The following BCL11B variants were observed in gnomAD, a reference collection of about 807,000 sequenced individuals.
BCL11B encodes B-cell lymphoma/leukemia 11B.
A neutral mutation model predicts 49.9 loss-of-function variants in BCL11B; 8 were observed. That is an observed-to-expected ratio of 0.16 (90% confidence interval 0.09 to 0.29). BCL11B has a LOEUF of 0.29. Among genes scored for constraint, BCL11B ranks in the 10% least tolerant of loss-of-function variants. The probability of loss-of-function intolerance (pLI) is 1.00; values close to 1 mark genes in which losing one functional copy is unlikely to be tolerated. For missense variants in BCL11B, 1,006 were observed against 1,351.0 expected (o/e 0.74, Z 4.00); for synonymous variants, 739 against 637.4 (o/e 1.16, Z -2.40).
chr14:99,181,796 T>A (rs1232985947), intron 3 of BCL11B, among the ~76,000 whole-genome samples: 3 of 152,160 alleles, frequency 2.0e-5, no homozygotes, highest in Non-Finnish European at 1.5e-5. Flanking sequence ...CAGGGCCCCC[T>A]GTGGCAGCTC....
intron 2 of BCL11B, among the ~76,000 whole-genome samples, chr14:99,239,721 G>A (rs2139911753): frequency 6.6e-6 from 1 of 152,286 alleles, no homozygotes; most frequent in South Asian, 2.1e-4. Context: ...CCTGACACGT[G>A]TTAAGAATCT....
Position 99,241,996 on chromosome 14 carries a change from C to T in BCL11B, c.428-10439G>A, listed in dbSNP as rs191861474. 1.1e-3 allele frequency among the ~76,000 whole-genome samples: 166 copies of T among 152,172 alleles called. 1 individual carries two copies. Among genetic ancestry groups the T allele is most frequent in the Admixed American group, 9.8e-3 (150 of 15,294 alleles). ...GTGTTTAACGTGTCTGTCCTCCACTCGACTACAAGCCCACTTGGGTTTAAG... is the reference window on the plus strand; with the variant it reads ...GTGTTTAACGTGTCTGTCCTCCACTTGACTACAAGCCCACTTGGGTTTAAG... On this transcript the variant is annotated intron_variant, in intron 2 of 3. Transcript: ENST00000357195. The surrounding 1 kb of genome is among the most constrained non-coding windows in gnomAD (Gnocchi z 4.4).
At chr14:99,250,185 G>A (rs1244889914) in intron 2 of BCL11B, among the ~76,000 whole-genome samples, 4 of 151,290 alleles carry the variant, frequency 2.6e-5, no homozygotes, top group South Asian at 2.1e-4. Context: ...ACAGGCACCC[G>A]CCACCATGCC....
Position 99,241,439 on chromosome 14 carries a change from C to T in BCL11B, c.428-9882G>A, listed in dbSNP as rs1022226527. On this transcript the variant is annotated intron_variant, in intron 2 of 3. Coordinates refer to ENST00000357195, the MANE Select transcript of BCL11B (RefSeq NM_138576.4). This position sits in a 1 kb window ranked among gnomAD's most constrained non-coding sequence, Gnocchi z 4.4. ...AAGCAGCAAGCATCGCTCAGGAGGCCTCAGAGACTAAACAGACACAAAACC... is the reference window on the plus strand; with the variant it reads ...AAGCAGCAAGCATCGCTCAGGAGGCTTCAGAGACTAAACAGACACAAAACC... Among the ~76,000 whole-genome samples the T allele has an allele frequency of 5.9e-5, 9 of 151,596 alleles. No individual in the cohort carries two copies. Among genetic ancestry groups the T allele is most frequent in the African/African-American group, 1.9e-4 (8 of 41,216 alleles).
At chr14:99,219,682 C>T (rs563041737) in intron 3 of BCL11B, among the ~76,000 whole-genome samples, 1 of 152,070 alleles carries the variant, frequency 6.6e-6, no homozygotes, top group South Asian at 2.1e-4. Flanking sequence ...AAGTCACACT[C>T]AAATCAACAC....
At chr14:99,209,503 C>A (rs1361462897) in intron 3 of BCL11B, among the ~76,000 whole-genome samples, 1 of 152,050 alleles carries the variant, frequency 6.6e-6, no homozygotes, top group East Asian at 1.9e-4. Flanking sequence ...TGAGTAACAA[C>A]AGCTGCCAGG....
Position 99,228,440 on chromosome 14 carries a change from AAG to A in BCL11B, c.640+2903_640+2904del, listed in dbSNP as rs1888219517. Among the ~76,000 whole-genome samples the A allele has an allele frequency of 6.6e-6, 1 of 152,170 alleles. No homozygotes were observed. The highest frequency in any genetic ancestry group is 2.4e-5 in the African/African-American group (1 of 41,446). ...CCAATGAACTGGGACCGAATGAAAAAAGAGAACTGTACCAGACATGGTGGCAG... is the reference window on the plus strand; with the variant it reads ...CCAATGAACTGGGACCGAATGAAAAAAGAACTGTACCAGACATGGTGGCAG... On this transcript the variant is annotated intron_variant, in intron 3 of 3. Transcript: ENST00000357195. The surrounding 1 kb of genome is among the most constrained non-coding windows in gnomAD (Gnocchi z 4.8).
intron 3 of BCL11B, among the ~76,000 whole-genome samples, chr14:99,222,478 C>A (rs768481304): frequency 6.6e-6 from 1 of 152,172 alleles, no homozygotes; most frequent in South Asian, 2.1e-4. Context: ...TCGAGGAAAT[C>A]GACTTGGTTA....
intron 2 of BCL11B, among the ~76,000 whole-genome samples, chr14:99,238,038 A>AT (rs1231987978): frequency 6.6e-6 from 1 of 151,988 alleles, no homozygotes; most frequent in Non-Finnish European, 1.5e-5. Flanking sequence ...CCATCCAGAG[A>AT]TTCCCCACAG....
Position 99,175,310 on chromosome 14 carries a change from C to T in BCL11B, c.1526G>A (p.Gly509Asp). 1.3e-6 allele frequency: 2 copies of T among 1,540,802 alleles called. No individual in the cohort carries two copies. Among genetic ancestry groups the T allele is most frequent in the Non-Finnish European group, 1.7e-6 (2 of 1,148,482 alleles). Residue 509 changes from glycine to aspartate, a missense_variant, in exon 4 of 4, where the codon GGC (glycine) becomes GAC (aspartate). Gly to Asp is a moderately conservative substitution (Grantham distance 94). This residue lies in a region of BCL11B where 443 missense variants were observed against 499.7 expected (regional missense o/e 0.89). Coordinates refer to ENST00000357195, the MANE Select transcript of BCL11B (RefSeq NM_138576.4). Reference protein sequence around the residue: ...EPGTSELAGEGLKAADGDFRH... With the variant: ...EPGTSELAGEDLKAADGDFRH... Reference sequence around the variant, plus strand: ...GAAGTCACCGTCGGCCGCCTTGAGGCCCTCGCCCGCCAGCTCGCTGGTGCC... The same window carrying T: ...GAAGTCACCGTCGGCCGCCTTGAGGTCCTCGCCCGCCAGCTCGCTGGTGCC...
intron 3 of BCL11B, among the ~76,000 whole-genome samples, chr14:99,183,378 C>T (rs1215269400): frequency 5.3e-5 from 8 of 152,140 alleles, no homozygotes; most frequent in Non-Finnish European, 1.0e-4. Context: ...ACAGGGACTG[C>T]GCTGGTCTTG....
chr14:99,212,054 C>A (rs561066722), intron 3 of BCL11B, among the ~76,000 whole-genome samples: 3 of 152,214 alleles, frequency 2.0e-5, no homozygotes, highest in Admixed American at 2.0e-4. Context: ...CTTCTCCCAT[C>A]CTGCCCACCG....
intron 3 of BCL11B, among the ~76,000 whole-genome samples, chr14:99,208,161 T>C (rs529637677): frequency 6.6e-6 from 1 of 152,158 alleles, no homozygotes; most frequent in Admixed American, 6.5e-5. Context: ...CACAGGGGTG[T>C]CTGAAAGCCC....
At chr14:99,199,656 G>C (rs1333797790) in intron 3 of BCL11B, among the ~76,000 whole-genome samples, 27 of 81,012 alleles carry the variant, frequency 3.3e-4, no homozygotes, top group African/African-American at 1.1e-3. Flanking sequence ...GTGTGTGTGT[G>C]TGTGTGTGTG....
At chr14:99,187,942 C>T (rs188814967) in intron 3 of BCL11B, among the ~76,000 whole-genome samples, 2 of 152,234 alleles carry the variant, frequency 1.3e-5, no homozygotes, top group African/African-American at 4.8e-5. Flanking sequence ...ATGGAGTGTA[C>T]GTTTAGCTCC....
At chr14:99,210,670 C>T (rs1887660723) in intron 3 of BCL11B, among the ~76,000 whole-genome samples, 1 of 152,162 alleles carries the variant, frequency 6.6e-6, no homozygotes, top group African/African-American at 2.4e-5. Context: ...GATAGTCACT[C>T]TAGGGAAGAG....
intron 1 of BCL11B, among the ~76,000 whole-genome samples, chr14:99,261,909 G>A (rs781388627): frequency 5.9e-5 from 9 of 152,100 alleles, no homozygotes; most frequent in Non-Finnish European, 8.8e-5. Flanking sequence ...ACACGAGTTA[G>A]ATTTTCTTTT....
chr14:99,252,443 C>T (rs765863282), intron 2 of BCL11B, among the ~76,000 whole-genome samples: 3 of 152,138 alleles, frequency 2.0e-5, no homozygotes, highest in Non-Finnish European at 4.4e-5. Flanking sequence ...CTGGAGAGAA[C>T]ATTCCCAAAG....
chr14:99,267,552 C>A (rs959270298), intron 1 of BCL11B, among the ~76,000 whole-genome samples: 1 of 146,990 alleles, frequency 6.8e-6, no homozygotes, highest in Admixed American at 6.7e-5. Flanking sequence ...TCACCCCCCC[C>A]CCACCAACTA....
Sources: gnomAD v4.1 joint callset for allele counts (sites outside exome capture counted in the v4.1 genomes callset) on GRCh38, gnomAD v4.1.1 for gene constraint, gnomAD v4.1.1 regional missense constraint, Gnocchi (gnomAD v3.1) non-coding constraint, MANE v1.5 for transcripts, NCBI Gene and HGNC (gene_info 2026-07-23, HGNC 2026-07-21) for gene names.